The following RERE variants were observed in gnomAD, a reference collection of about 807,000 sequenced individuals.
The protein encoded by RERE is arginine-glutamic acid dipeptide repeats protein.
In RERE, 40 loss-of-function variants were observed where a neutral mutation model predicts 146.1. The observed-to-expected ratio is 0.27, with a 90% CI of 0.21 to 0.36. The LOEUF (loss-of-function observed/expected upper bound fraction) is 0.36, where lower values mean the gene tolerates loss of function less well. RERE is among the 10% of genes least tolerant of loss of function. The pLI, the probability that RERE is intolerant of heterozygous loss-of-function variation, is 1.00. For synonymous variants in RERE, 1,003 were observed against 866.0 expected (o/e 1.16, Z -2.78); for missense variants, 1,933 against 2,138.7 (o/e 0.90, Z 1.90).
chr1:8,377,402 G>A (rs1012970142), intron 12 of RERE, among the ~76,000 whole-genome samples: 1 of 151,950 alleles, frequency 6.6e-6, no homozygotes, highest in Non-Finnish European at 1.5e-5. Context: ...TTGTTTTCTC[G>A]GTAGAGCCTC....
rs544260170 is a variant in RERE, at chr1:8,372,177, C to T, written c.1285-6203G>A. 3.9e-5 allele frequency among the ~76,000 whole-genome samples: 6 copies of T among 152,254 alleles called. No homozygotes were observed. The South Asian group carries it at 1.0e-3, about 26-fold the overall frequency. On this transcript the variant is annotated intron_variant, in intron 12 of 22. Transcript: ENST00000400908. ...GCATTTTGACTATAAAAGGCTCACT[C>T]GTAGCAAGCATGCCTGTTTCAAACA... is the stretch of plus-strand genomic sequence containing the variant.
chr1:8,360,103 G>A lies in RERE; in HGVS notation c.3395+9C>T. The stretch of plus-strand genomic sequence containing the variant: ...TGCCTGACCCGTCCTGGAGCCCTAG[G>A]AAGCGTACCTAGCTGACTGGCTGGC... On this transcript the variant is annotated intron_variant, in intron 18 of 22. Coordinates refer to ENST00000400908, the MANE Select transcript of RERE (RefSeq NM_001042681.2). The A allele has an allele frequency of 6.3e-7, 1 of 1,578,930 alleles. No individual in the cohort carries two copies. The highest frequency in any genetic ancestry group is 1.2e-5 in the South Asian group (1 of 85,420).
intron 11 of RERE, among the ~76,000 whole-genome samples, chr1:8,443,339 G>C (rs1644275175): frequency 6.6e-6 from 1 of 151,084 alleles, no homozygotes; most frequent in African/African-American, 2.4e-5. Flanking sequence ...GCACACACCT[G>C]TAATCCCAGC....
intron 7 of RERE, chr1:8,512,903 CG>C (rs1466179041): frequency 6.6e-6 from 1 of 152,426 alleles, no homozygotes; most frequent in East Asian, 1.9e-4. Context: ...CTGTGACTTC[CG>C]GAGAGCCACT....
At chr1:8,766,268 C>CAGTG (rs1237353894) in intron 1 of RERE, among the ~76,000 whole-genome samples, 3 of 152,000 alleles carry the variant, frequency 2.0e-5, no homozygotes, top group South Asian at 2.1e-4. Flanking sequence ...TGGCCAGGTG[C>CAGTG]AGTGGCTCAC....
At chr1:8,355,314 A>G in intron 22 of RERE, 105 bp downstream of exon 22, 18 of 1,316,740 alleles carry the variant, frequency 1.4e-5, no homozygotes, top group Non-Finnish European at 1.9e-5. Context: ...TGTCCCCTCC[A>G]GGGCCCAGCA....
chr1:8,474,049 A>G (rs115455139), intron 10 of RERE, among the ~76,000 whole-genome samples: 379 of 152,338 alleles, frequency 2.5e-3, no homozygotes, highest in African/African-American at 8.9e-3. Context: ...TAATTGCCCA[A>G]GTTAAATCTG....
At chr1:8,406,835 A>G (rs1486978135) in intron 12 of RERE, among the ~76,000 whole-genome samples, 2 of 152,120 alleles carry the variant, frequency 1.3e-5, no homozygotes, top group Admixed American at 6.5e-5. Context: ...CTACGTACAT[A>G]TATAATTTTA....
At chr1:8,464,050 G>GT (rs1313762997) in intron 11 of RERE, among the ~76,000 whole-genome samples, 4 of 152,194 alleles carry the variant, frequency 2.6e-5, no homozygotes, top group African/African-American at 9.6e-5. Flanking sequence ...TAAAAAAACA[G>GT]TATCACTACG....
At chr1:8,572,928 T>A (rs1380257969) in intron 4 of RERE, among the ~76,000 whole-genome samples, 3 of 152,200 alleles carry the variant, frequency 2.0e-5, no homozygotes, top group African/African-American at 7.2e-5. Context: ...CAAAAGTACT[T>A]CAGGATAGCA....
At chr1:8,678,840 T>C (rs1159101968) in intron 1 of RERE, among the ~76,000 whole-genome samples, 1 of 152,180 alleles carries the variant, frequency 6.6e-6, no homozygotes, top group African/African-American at 2.4e-5. Flanking sequence ...ACAAAATGTC[T>C]AGACATAAGA....
intron 1 of RERE, among the ~76,000 whole-genome samples, chr1:8,706,113 C>CAAA (rs61016240): frequency 6.4e-4 from 44 of 69,176 alleles, no homozygotes; most frequent in South Asian, 1.1e-3. Context: ...ACTCCGTCTC[C>CAAA]AAAAAAAAAA....
intron 1 of RERE, among the ~76,000 whole-genome samples, chr1:8,695,997 A>G (rs1389870448): frequency 6.6e-6 from 1 of 152,180 alleles, no homozygotes; most frequent in Admixed American, 6.5e-5. Flanking sequence ...ATCATTCATC[A>G]TCAGAGAGAT....
chr1:8,529,595 C>T (rs1354058539), intron 7 of RERE, among the ~76,000 whole-genome samples: 3 of 152,110 alleles, frequency 2.0e-5, no homozygotes, highest in African/African-American at 4.8e-5. Context: ...CCACCACGCC[C>T]GGCCACAACC....
chr1:8,632,930 A>G (rs965954808), intron 2 of RERE, among the ~76,000 whole-genome samples: 1 of 152,230 alleles, frequency 6.6e-6, no homozygotes, highest in Non-Finnish European at 1.5e-5. Flanking sequence ...GCAAAATTCA[A>G]GATTAAAAGA....
At chr1:8,429,060 G>A (rs1023169455) in intron 11 of RERE, among the ~76,000 whole-genome samples, 3 of 152,108 alleles carry the variant, frequency 2.0e-5, no homozygotes, top group African/African-American at 7.2e-5. Context: ...AGAAAGGCAG[G>A]GAAACACCAC....
At chr1:8,504,238 C>T (rs1213222588) in intron 8 of RERE, among the ~76,000 whole-genome samples, 1 of 152,138 alleles carries the variant, frequency 6.6e-6, no homozygotes, top group Admixed American at 6.6e-5. Context: ...AAGTTTAATT[C>T]CACATCTAGG....
chr1:8,571,111 C>A (rs1220925628), intron 4 of RERE, among the ~76,000 whole-genome samples: 4 of 152,156 alleles, frequency 2.6e-5, no homozygotes, highest in Non-Finnish European at 5.9e-5. Flanking sequence ...TGAAAGCATG[C>A]AGAAAATAAT....
intron 4 of RERE, among the ~76,000 whole-genome samples, chr1:8,610,019 C>A (rs893723751): frequency 6.6e-6 from 1 of 152,038 alleles, no homozygotes; most frequent in Admixed American, 6.6e-5. Flanking sequence ...CCGAACCGCC[C>A]CAGCCTCCCA....
Sources: allele counts gnomAD v4.1 joint callset (sites outside exome capture counted in the v4.1 genomes callset), GRCh38; gene constraint gnomAD v4.1.1; transcripts MANE v1.5; gene names NCBI Gene and HGNC (gene_info 2026-07-23, HGNC 2026-07-21).